The following ABCB9 variants were observed in gnomAD, a reference collection of about 807,000 sequenced individuals.
ABCB9 encodes ABC-type oligopeptide transporter ABCB9.
Under a neutral mutation model 62.0 loss-of-function variants are expected in ABCB9, and 36 were observed. The observed-to-expected ratio is 0.58, with a 90% CI of 0.45 to 0.77. The LOEUF (loss-of-function observed/expected upper bound fraction) is 0.77. Ranked by LOEUF, ABCB9 falls within the 30% of genes least tolerant of loss-of-function variation. The probability of loss-of-function intolerance (pLI) is 0.00; values close to 1 mark genes in which losing one functional copy is unlikely to be tolerated. For synonymous variants in ABCB9, 435 were observed against 461.4 expected, an observed-to-expected ratio of 0.94 and a Z score of 0.73; for missense variants, 943 against 1,054.7, an observed-to-expected ratio of 0.89 and a Z score of 1.47.
At chr12:122,969,476 A>C (rs780325005), upstream of ABCB9, among the ~76,000 whole-genome samples, 8 of 152,212 alleles carry the variant, frequency 5.3e-5, no homozygotes, top group Non-Finnish European at 8.8e-5. Flanking sequence ...AAGTCCAGGC[A>C]ATGTGGCTTA....
Position 122,930,412 on chromosome 12 carries a change from C to CTTTTT in ABCB9, c.2041-246_2041-242dup, listed in dbSNP as rs397954994. Among the ~76,000 whole-genome samples, 3 of 136,642 alleles carry CTTTTT rather than the reference C, an allele frequency of 2.2e-5. No individual in the cohort carries two copies. Among genetic ancestry groups the CTTTTT allele is most frequent in the Non-Finnish European group, 3.1e-5 (2 of 63,578 alleles). 89.6% of individuals were successfully genotyped at this position (136,642 alleles called of 152,430 possible). A position where few individuals can be genotyped will look rare whatever the true frequency, so the allele number is the denominator to read the frequency against. On this transcript the variant is annotated intron_variant, in intron 11 of 11. Transcript: ENST00000280560. The surrounding 1 kb of genome is among the most constrained non-coding windows in gnomAD (Gnocchi z 4.9). ...TCTTCTGGTCCTTCCCTTCCCCCTC[C>CTTTTT]TTTTTTTTTTTTTTTTTTTTTAAGT...
chr12:122,935,517 G>T, intron 9 of ABCB9, 86 bp from the exon 10 acceptor site: 2 of 1,488,610 alleles, frequency 1.3e-6, no homozygotes, highest in Non-Finnish European at 1.8e-6. Flanking sequence ...GGGGCCTGGA[G>T]ACACCAGCAG....
intron 9 of ABCB9, among the ~76,000 whole-genome samples, chr12:122,938,402 T>C (rs962910143): frequency 6.6e-6 from 1 of 152,044 alleles, no homozygotes; most frequent in Admixed American, 6.6e-5. Context: ...CATAATGGCA[T>C]GTGCCTGCAG....
At chr12:122,948,600 C>A (rs1424159942) in intron 5 of ABCB9, 24 bp downstream of exon 5, 1 of 1,591,916 alleles carries the variant, frequency 6.3e-7, no homozygotes, top group African/African-American at 1.3e-5. Flanking sequence ...TGCACAGTCC[C>A]CAGCAGAGAC....
upstream of ABCB9, among the ~76,000 whole-genome samples, chr12:122,968,814 C>T (rs951036947): frequency 6.6e-6 from 1 of 152,012 alleles, no homozygotes; most frequent in Non-Finnish European, 1.5e-5. Context: ...GGGGTTTTGC[C>T]ATGTTGGCCA....
At chr12:122,936,295 A>G (rs2035457957) in intron 9 of ABCB9, among the ~76,000 whole-genome samples, 1 of 152,180 alleles carries the variant, frequency 6.6e-6, no homozygotes, top group Non-Finnish European at 1.5e-5. Flanking sequence ...GATAGGAAAC[A>G]CATTGAAAAG....
downstream of ABCB9, chr12:122,924,667 G>A (rs919180854): frequency 6.2e-5 from 93 of 1,504,710 alleles, no homozygotes; most frequent in Non-Finnish European, 7.5e-5. Flanking sequence ...AAGTCCTGGC[G>A]CCAGGACTAA....
downstream of ABCB9, chr12:122,920,929 T>C (rs2034731440): frequency 7.8e-7 from 1 of 1,288,202 alleles, no homozygotes; most frequent in Admixed American, 2.1e-5. Flanking sequence ...AAAAATCACA[T>C]AAAGCGCATA....
intron 1 of ABCB9, chr12:122,972,732 C>T (rs946553549): frequency 2.0e-4 from 31 of 152,040 alleles, no homozygotes; most frequent in African/African-American, 6.8e-4. Flanking sequence ...AGGCTGGTCT[C>T]GAACTCCTGA....
At chr12:122,946,737 C>A (rs1163498900) in intron 5 of ABCB9, among the ~76,000 whole-genome samples, 1 of 152,234 alleles carries the variant, frequency 6.6e-6, no homozygotes, top group Non-Finnish European at 1.5e-5. Context: ...TACATGGTGG[C>A]AGGGGCCATG....
In ABCB9 at chr12:122,944,447, T is replaced by A; in HGVS notation, c.1324A>T (p.Ser442Cys). ...GHLVISGQMT[S>C]GNLIAFIIYE... ...ATGATGAAGGCGATGAGGTTGCCGCTGGTCATCTGGCCTGAGATGACAAGG... is the reference window on the plus strand; with the variant it reads ...ATGATGAAGGCGATGAGGTTGCCGCAGGTCATCTGGCCTGAGATGACAAGG... The change falls in exon 7 of 12, where the codon AGC (serine) becomes TGC (cysteine). Residue 442 changes from serine to cysteine, a missense_variant. Coordinates refer to ENST00000280560, the MANE Select transcript of ABCB9 (RefSeq NM_019625.4). This position sits in a 1 kb window ranked among gnomAD's most constrained non-coding sequence, Gnocchi z 4.9. 1 of 1,614,056 alleles carries A rather than the reference T, an allele frequency of 6.2e-7. No homozygotes were observed. Among genetic ancestry groups the A allele is most frequent in the Non-Finnish European group, 8.5e-7 (1 of 1,179,974 alleles).
chr12:122,970,859 G>A (rs1226315778), upstream of ABCB9, among the ~76,000 whole-genome samples: 1 of 152,196 alleles, frequency 6.6e-6, no homozygotes, highest in Non-Finnish European at 1.5e-5. Flanking sequence ...ATCAAGCCAT[G>A]AAAAGGCACG....
chr12:122,922,738 A>G (rs2034779877), intron 11 of ABCB9, among the ~76,000 whole-genome samples: 1 of 152,158 alleles, frequency 6.6e-6, no homozygotes, highest in Non-Finnish European at 1.5e-5. Flanking sequence ...TTTGTCTTCA[A>G]TACCCAGACA....
At chr12:122,922,399 A>C (rs1429331320) in intron 11 of ABCB9, among the ~76,000 whole-genome samples, 2 of 152,028 alleles carry the variant, frequency 1.3e-5, no homozygotes, top group Non-Finnish European at 2.9e-5. Context: ...CATTGTTTTG[A>C]GATGGAGTCT....
chr12:122,918,658 A>G (rs988637541), downstream of ABCB9, among the ~76,000 whole-genome samples: 1 of 151,710 alleles, frequency 6.6e-6, no homozygotes, highest in African/African-American at 2.4e-5. Flanking sequence ...GGGTCTCCCT[A>G]TGTTGCCCAG....
chr12:122,932,051 G>A lies in ABCB9; in HGVS notation c.2040+141C>T. On this transcript the variant is annotated intron_variant, in intron 11 of 11. Coordinates refer to ENST00000280560, the MANE Select transcript of ABCB9 (RefSeq NM_019625.4). The surrounding 1 kb of genome is among the most constrained non-coding windows in gnomAD (Gnocchi z 4.7). ...CCTGGCTCCCCACTCTCAACACCAG[G>A]AATTCACCAGCCCAGGAGGCTGATA... 1 of 1,444,896 alleles carries A rather than the reference G, an allele frequency of 6.9e-7. No homozygotes were observed. The highest frequency in any genetic ancestry group is 9.4e-7 in the Non-Finnish European group (1 of 1,066,950). 89.5% of individuals were successfully genotyped at this position (1,444,896 alleles called of 1,614,324 possible).
At chr12:122,952,529 T>C (rs1226593707) in intron 2 of ABCB9, 2 of 152,234 alleles carry the variant, frequency 1.3e-5, no homozygotes, top group African/African-American at 2.4e-5. Flanking sequence ...CTAGAGGGCC[T>C]GTGTCCCCAC....
chr12:122,958,384 G>A (rs999690284), intron 2 of ABCB9, among the ~76,000 whole-genome samples: 3 of 152,132 alleles, frequency 2.0e-5, no homozygotes, highest in African/African-American at 7.2e-5. Context: ...GTGAGAGGTG[G>A]GGGAGTGATG....
chr12:122,967,567 C>T (rs891441793), upstream of ABCB9, among the ~76,000 whole-genome samples: 2 of 152,200 alleles, frequency 1.3e-5, no homozygotes, highest in Non-Finnish European at 2.9e-5. Context: ...CAGCTCACTG[C>T]AGCCTCTGCT....
Sources: allele counts gnomAD v4.1 joint callset (sites outside exome capture counted in the v4.1 genomes callset), GRCh38; gene constraint gnomAD v4.1.1; non-coding constraint Gnocchi (gnomAD v3.1); transcripts MANE v1.5; gene names NCBI Gene and HGNC (gene_info 2026-07-23, HGNC 2026-07-21).